Variants in MAD1L1 observed in about 807,000 individuals in gnomAD.
MAD1L1 encodes mitotic arrest deficient 1 like 1.
Under a neutral mutation model 96.9 loss-of-function variants are expected in MAD1L1, and 95 were observed. The observed-to-expected ratio is 0.98, with a 90% confidence interval of 0.83 to 1.16. MAD1L1 has a LOEUF of 1.16. Ranked by LOEUF, MAD1L1 falls within the 50% of genes most tolerant of loss-of-function variation. The pLI is 0.00. For missense variants in MAD1L1, 1,007 were observed against 954.4 expected, an observed-to-expected ratio of 1.06 and a Z score of -0.73; for synonymous variants, 473 against 396.6, an observed-to-expected ratio of 1.19 and a Z score of -2.29.
intron 17 of MAD1L1, among the ~76,000 whole-genome samples, chr7:1,902,084 C>T (rs1787282099): frequency 6.6e-6 from 1 of 152,196 alleles, no homozygotes; most frequent in Non-Finnish European, 1.5e-5. Flanking sequence ...CTGCCCAGGG[C>T]CCGGCCCAGT....
At chr7:1,984,551 A>C (rs1178782430) in intron 14 of MAD1L1, among the ~76,000 whole-genome samples, 2 of 152,184 alleles carry the variant, frequency 1.3e-5, no homozygotes, top group Non-Finnish European at 2.9e-5. Context: ...TGCTTTTCCC[A>C]ACAGCGGTGA....
chr7:2,033,749 C>T (rs930795086), intron 12 of MAD1L1, among the ~76,000 whole-genome samples: 10 of 152,226 alleles, frequency 6.6e-5, no homozygotes, highest in Non-Finnish European at 1.3e-4. Context: ...TTCTGGAAAA[C>T]GAGTCAGCAA....
intron 17 of MAD1L1, among the ~76,000 whole-genome samples, chr7:1,928,736 A>G (rs1789247775): frequency 6.6e-6 from 1 of 152,216 alleles, no homozygotes; most frequent in African/African-American, 2.4e-5. Context: ...GGCCCTGCCC[A>G]GGTGGCACGG....
intron 18 of MAD1L1, among the ~76,000 whole-genome samples, chr7:1,828,756 A>T (rs1408147771): frequency 1.3e-5 from 2 of 149,490 alleles, no homozygotes; most frequent in African/African-American, 4.9e-5. Context: ...GCCTCGCAGC[A>T]CTCAACAAAG....
intron 18 of MAD1L1, among the ~76,000 whole-genome samples, chr7:1,888,822 G>C (rs373670638): frequency 9.9e-5 from 15 of 152,212 alleles, no homozygotes; most frequent in African/African-American, 3.4e-4. Context: ...TGCATGCGTG[G>C]GCATGTATTT....
At chr7:2,218,472 A>G (rs981025131) in intron 6 of MAD1L1, among the ~76,000 whole-genome samples, 5 of 152,236 alleles carry the variant, frequency 3.3e-5, no homozygotes, top group African/African-American at 1.2e-4. Flanking sequence ...GGAAGGGTCC[A>G]AGTCTGCAGG....
chr7:2,152,786 A>T (rs1789643835), intron 10 of MAD1L1, among the ~76,000 whole-genome samples: 1 of 152,094 alleles, frequency 6.6e-6, no homozygotes, highest in Non-Finnish European at 1.5e-5. Context: ...AACTTTATGG[A>T]TGTGGAAGGG....
chr7:1,888,970 T>C (rs1230261379), intron 18 of MAD1L1, among the ~76,000 whole-genome samples: 3 of 152,250 alleles, frequency 2.0e-5, no homozygotes, highest in East Asian at 1.9e-4. Context: ...ATGCACTCAC[T>C]GACCTGCAGA....
intron 11 of MAD1L1, among the ~76,000 whole-genome samples, chr7:2,127,341 G>C (rs1432773374): frequency 6.6e-6 from 1 of 152,234 alleles, no homozygotes; most frequent in African/African-American, 2.4e-5. Context: ...GGAGGCTGTA[G>C]AGTGGGGCCC....
At chr7:1,844,564 C>T (rs937376863) in intron 18 of MAD1L1, among the ~76,000 whole-genome samples, 23 of 152,134 alleles carry the variant, frequency 1.5e-4, no homozygotes, top group African/African-American at 4.8e-4. Context: ...CAGCTTGGGA[C>T]GGGCCTACAG....
At chr7:1,859,640 G>T (rs1196923003) in intron 18 of MAD1L1, among the ~76,000 whole-genome samples, 2 of 152,194 alleles carry the variant, frequency 1.3e-5, no homozygotes, top group Non-Finnish European at 2.9e-5. Context: ...TGCAGAGGAG[G>T]GAGGAGACAG....
At chr7:2,216,051 GC>G (rs1246099531) in intron 8 of MAD1L1, 52 bp from the exon 9 acceptor site, 1 of 1,610,996 alleles carries the variant, frequency 6.2e-7, no homozygotes, top group Non-Finnish European at 8.5e-7. Flanking sequence ...TAGGGATAAG[GC>G]CAAGAGCCCG....
chr7:2,004,217 G>A (rs1781928860), intron 13 of MAD1L1, among the ~76,000 whole-genome samples: 1 of 152,186 alleles, frequency 6.6e-6, no homozygotes, highest in Non-Finnish European at 1.5e-5. Flanking sequence ...GCTCTGAGGT[G>A]GCCTGGGCAG....
At chr7:2,128,047 C>T (rs1309759223) in intron 11 of MAD1L1, among the ~76,000 whole-genome samples, 1 of 152,152 alleles carries the variant, frequency 6.6e-6, no homozygotes, top group African/African-American at 2.4e-5. Context: ...AAATAAAACG[C>T]TTTTTAAATC....
chr7:2,060,215 T>TACGCCGATGCCGAGA (rs1784585456), intron 12 of MAD1L1, among the ~76,000 whole-genome samples: 1 of 55,724 alleles, frequency 1.8e-5, no homozygotes. Flanking sequence ...AGATGCCAAG[T>TACGCCGATGCCGAGA]TACGCCGATG....
At chr7:2,166,563 G>C (rs767722433) in intron 10 of MAD1L1, among the ~76,000 whole-genome samples, 3 of 152,206 alleles carry the variant, frequency 2.0e-5, no homozygotes, top group Non-Finnish European at 4.4e-5. Flanking sequence ...CTGATCTTTT[G>C]AATGCTTTAA....
At chr7:1,997,713 G>A (rs904826045) in intron 14 of MAD1L1, among the ~76,000 whole-genome samples, 33 of 152,346 alleles carry the variant, frequency 2.2e-4, no homozygotes, top group Middle Eastern at 3.4e-3. Context: ...GTGCGGTGGC[G>A]GGGGGCAGGG....
chr7:2,232,143 C>T (rs1446964782), intron 1 of MAD1L1, among the ~76,000 whole-genome samples: 1 of 152,234 alleles, frequency 6.6e-6, no homozygotes, highest in Non-Finnish European at 1.5e-5. Context: ...TCATGGCAGG[C>T]CGGCCCACCA....
intron 14 of MAD1L1, among the ~76,000 whole-genome samples, chr7:1,990,703 C>T (rs924168168): frequency 1.1e-4 from 16 of 152,292 alleles, no homozygotes; most frequent in Non-Finnish European, 1.3e-4. Flanking sequence ...TGCCCAGGGC[C>T]GCCACTGCTG....
Sources: gnomAD v4.1 joint callset for allele counts (sites outside exome capture counted in the v4.1 genomes callset) on GRCh38, gnomAD v4.1.1 for gene constraint, MANE v1.5 for transcripts, NCBI Gene and HGNC (gene_info 2026-07-23, HGNC 2026-07-21) for gene names.